Variants in DCTN5 observed in about 807,000 individuals in gnomAD.
DCTN5 encodes dynactin subunit 5, also known as dynactin 4.
Under a neutral mutation model 23.5 loss-of-function variants are expected in DCTN5, and 14 were observed. The ratio of observed to expected loss-of-function variants is 0.60; its 90% CI spans 0.39 to 0.93. DCTN5 has a LOEUF of 0.93. Among genes scored for constraint, DCTN5 ranks in the 40% least tolerant of loss-of-function variants. The pLI is 0.00. For missense variants in DCTN5, 156 were observed against 225.9 expected (o/e 0.69, Z 1.98); for synonymous variants, 67 against 79.6 (o/e 0.84, Z 0.84).
At chr16:23,654,035 C>G (rs1967652297) in intron 2 of DCTN5, among the ~76,000 whole-genome samples, 1 of 152,260 alleles carries the variant, frequency 6.6e-6, no homozygotes, top group South Asian at 2.1e-4. Context: ...CAGAAAATAA[C>G]AGATGCTGGT....
In DCTN5 at chr16:23,673,709, A is replaced by C. The variant is rs1458466666; in HGVS notation, c.*6565A>C. The C allele has an allele frequency of 1.3e-5, 2 of 152,214 alleles. No individual in the cohort carries two copies. The highest frequency in any genetic ancestry group is 4.8e-5 in the African/African-American group (2 of 41,458). 9.4% of individuals were successfully genotyped at this position (152,214 alleles called of 1,614,324 possible). ...GGATACAGCTTTCTAGTTTTTTGCC[A>C]CTAGTGGATAGGTTGGAATTTAAAT... On this transcript the variant is annotated 3_prime_UTR_variant, in exon 6 of 6. Coordinates refer to ENST00000300087, the MANE Select transcript of DCTN5 (RefSeq NM_032486.4).
chr16:23,662,249 AG>A (rs1349338293), intron 4 of DCTN5, among the ~76,000 whole-genome samples: 1 of 152,164 alleles, frequency 6.6e-6, no homozygotes, highest in Non-Finnish European at 1.5e-5. Context: ...CAGGCATTTC[AG>A]GAAAGAGATT....
intron 2 of DCTN5, among the ~76,000 whole-genome samples, chr16:23,655,086 T>A (rs1286989862): frequency 2.0e-5 from 3 of 152,238 alleles, no homozygotes; most frequent in African/African-American, 7.2e-5. Flanking sequence ...TATACTCTTT[T>A]ATGTCAAGCT....
intron 2 of DCTN5, among the ~76,000 whole-genome samples, chr16:23,645,314 G>A (rs888260675): frequency 6.7e-6 from 1 of 149,346 alleles, no homozygotes; most frequent in Non-Finnish European, 1.5e-5. Context: ...TAATAGAGGC[G>A]GGGTTTCTCC....
At position 23,671,585 on chromosome 16, in the gene DCTN5, A is replaced by G. The variant is rs777669449; in HGVS notation, c.*4441A>G. 14 of 152,318 alleles carry G rather than the reference A, an allele frequency of 9.2e-5. No individual in the cohort carries two copies. In the East Asian group the frequency reaches 1.2e-3, roughly 13 times the overall value. The allele number at this position is 152,318 out of a possible 1,614,324, so 9.4% of individuals were successfully genotyped here. A position where few individuals can be genotyped will look rare whatever the true frequency, so the allele number is the denominator to read the frequency against. On this transcript the variant is annotated 3_prime_UTR_variant, in exon 6 of 6. Coordinates refer to ENST00000300087, the MANE Select transcript of DCTN5 (RefSeq NM_032486.4). ...CAGAGAGGTTAAGTAAATTTGCCCAATGCCACACATCTAATAAATGGCTGA... is the reference window on the plus strand; with the variant it reads ...CAGAGAGGTTAAGTAAATTTGCCCAGTGCCACACATCTAATAAATGGCTGA...
intron 2 of DCTN5, among the ~76,000 whole-genome samples, chr16:23,656,513 C>G (rs1212119837): frequency 6.6e-6 from 1 of 152,070 alleles, no homozygotes; most frequent in Admixed American, 6.6e-5. Context: ...GGGTCACTAT[C>G]CAGTTGAATT....
At chr16:23,664,994 C>T (rs1260231226) in intron 4 of DCTN5, among the ~76,000 whole-genome samples, 1 of 152,210 alleles carries the variant, frequency 6.6e-6, no homozygotes, top group East Asian at 1.9e-4. Flanking sequence ...GTCTCCATCT[C>T]TGTGCTGCTT....
At chr16:23,657,728 T>C (rs1967735066) in intron 2 of DCTN5, 1 of 192,704 alleles carries the variant, frequency 5.2e-6, no homozygotes, top group Non-Finnish European at 1.1e-5. Context: ...AGGCGTAAGC[T>C]ACCGCACCTG....
chr16:23,644,152 G>A (rs887208062), intron 2 of DCTN5, among the ~76,000 whole-genome samples: 4 of 151,862 alleles, frequency 2.6e-5, no homozygotes, highest in African/African-American at 9.7e-5. Flanking sequence ...TGTTGAGACA[G>A]AGTATTGCTC....
chr16:23,672,930 A>G lies in DCTN5; in HGVS notation c.*5786A>G, dbSNP rs1968032383. The G allele has an allele frequency of 6.6e-6, 1 of 152,242 alleles. No homozygotes were observed. Among genetic ancestry groups the G allele is most frequent in the Admixed American group, 6.5e-5 (1 of 15,278 alleles). 9.4% of individuals were successfully genotyped at this position (152,242 alleles called of 1,614,324 possible). On this transcript the variant is annotated 3_prime_UTR_variant, in exon 6 of 6. Transcript: ENST00000300087. ...ATCACGAGGTCAGGAGATCAAGACCATCCTGGCTAACACAGTGAAACCCCA... is the reference window on the plus strand; with the variant it reads ...ATCACGAGGTCAGGAGATCAAGACCGTCCTGGCTAACACAGTGAAACCCCA...
At position 23,659,224 on chromosome 16, in the gene DCTN5, C is replaced by T. The variant is rs114745937; in HGVS notation, c.236+599C>T. ...TCATCTTAAGTATCCCTGATCTGAA[C>T]GACTTTGACCCAAAGGGCAGAGTCA... On this transcript the variant is annotated intron_variant, in intron 3 of 5. Transcript: ENST00000300087. Among the ~76,000 whole-genome samples the T allele has an allele frequency of 4.6e-3, 693 of 152,266 alleles. 4 individuals are homozygous for T. Among genetic ancestry groups the T allele is most frequent in the African/African-American group, 0.015 (632 of 41,548 alleles).
intron 3 of DCTN5, among the ~76,000 whole-genome samples, chr16:23,660,883 G>A (rs1597122824): frequency 6.6e-6 from 1 of 152,174 alleles, no homozygotes. Flanking sequence ...ATGAACAAAC[G>A]TTCATTGATT....
intron 2 of DCTN5, among the ~76,000 whole-genome samples, chr16:23,656,983 C>G (rs1203853074): frequency 1.4e-5 from 2 of 147,206 alleles, no homozygotes; most frequent in African/African-American, 5.1e-5. Context: ...GAGCAAGACT[C>G]CATCTCAAAA....
In DCTN5 at chr16:23,667,128, C is replaced by T. The variant is rs1293260312; in HGVS notation, c.533C>T (p.Pro178Leu). The T allele has an allele frequency of 6.2e-7, 1 of 1,612,454 alleles. No homozygotes were observed. The change falls in exon 6 of 6, where the codon CCC becomes CTC. Residue 178 changes from proline to leucine, a missense_variant. This residue lies in a region of DCTN5 where 3 missense variants were observed against 19.0 expected (regional missense o/e 0.16). Coordinates refer to ENST00000300087, the MANE Select transcript of DCTN5 (RefSeq NM_032486.4). ...AAGAGCTACTACCAGAAGTTTTTGCCCCTGACGCAAGTCTAGCATCTCTGC... is the reference window on the plus strand; with the variant it reads ...AAGAGCTACTACCAGAAGTTTTTGCTCCTGACGCAAGTCTAGCATCTCTGC... ...VTKSYYQKFLPLTQV is the reference protein window; with the variant it reads ...VTKSYYQKFLLLTQV
intron 2 of DCTN5, among the ~76,000 whole-genome samples, chr16:23,643,330 T>A (rs1967351292): frequency 6.6e-6 from 1 of 151,712 alleles, no homozygotes; most frequent in Non-Finnish European, 1.5e-5. Context: ...TAGCTGGGAT[T>A]ACAGGCAGCT....
At chr16:23,645,801 G>T (rs1228064897) in intron 2 of DCTN5, among the ~76,000 whole-genome samples, 1 of 152,112 alleles carries the variant, frequency 6.6e-6, no homozygotes, top group Non-Finnish European at 1.5e-5. Flanking sequence ...CACTTGGATT[G>T]TTTCTACCCT....
rs1968025752 is a variant in DCTN5, at chr16:23,672,554, T to G, written c.*5410T>G. The G allele has an allele frequency of 6.6e-6, 1 of 152,158 alleles. No homozygotes were observed. Among genetic ancestry groups the G allele is most frequent in the African/African-American group, 2.4e-5 (1 of 41,414 alleles). 9.4% of individuals were successfully genotyped at this position (152,158 alleles called of 1,614,324 possible). ...AGCAAGTGAACAAATGAGTCTGGGATTTAGGACTTGCCAGACAAACAAGGC... is the reference window on the plus strand; with the variant it reads ...AGCAAGTGAACAAATGAGTCTGGGAGTTAGGACTTGCCAGACAAACAAGGC... On this transcript the variant is annotated 3_prime_UTR_variant, in exon 6 of 6. Coordinates refer to ENST00000300087, the MANE Select transcript of DCTN5 (RefSeq NM_032486.4).
At chr16:23,648,344 C>CTTTTTTTTTTTTT (rs960786045) in intron 2 of DCTN5, among the ~76,000 whole-genome samples, 1 of 105,522 alleles carries the variant, frequency 9.5e-6, no homozygotes, top group Non-Finnish European at 2.0e-5. Flanking sequence ...TTTCTTTTTT[C>CTTTTTTTTTTTTT]TTTTTTTTTT....
At chr16:23,652,992 A>T (rs1043560734) in intron 2 of DCTN5, among the ~76,000 whole-genome samples, 1 of 152,098 alleles carries the variant, frequency 6.6e-6, no homozygotes, top group African/African-American at 2.4e-5. Context: ...AATAAAAAAA[A>T]TTAGCTGGGC....
Sources: allele counts gnomAD v4.1 joint callset (sites outside exome capture counted in the v4.1 genomes callset), GRCh38; gene constraint gnomAD v4.1.1; regional missense constraint gnomAD v4.1.1; transcripts MANE v1.5; gene names NCBI Gene and HGNC (gene_info 2026-07-23, HGNC 2026-07-21).